Variants in KCNH7 observed in about 807,000 individuals in gnomAD.
KCNH7 encodes potassium voltage-gated channel subfamily H member 7.
In KCNH7, 49 loss-of-function variants were observed where a neutral mutation model predicts 120.8. The ratio of observed to expected loss-of-function variants is 0.41; its 90% CI spans 0.32 to 0.51. The LOEUF (loss-of-function observed/expected upper bound fraction) is 0.51. Ranked by LOEUF, KCNH7 falls within the 20% of genes least tolerant of loss-of-function variation. The pLI is 0.38. For synonymous variants in KCNH7, 547 were observed against 516.1 expected (o/e 1.06, Z -0.81); for missense variants, 1,097 against 1,446.6 (o/e 0.76, Z 3.92).
chr2:162,577,390 T>TATCTATC (rs1299759407), intron 2 of KCNH7, among the ~76,000 whole-genome samples: 1 of 138,738 alleles, frequency 7.2e-6, no homozygotes, highest in East Asian at 2.0e-4. Context: ...TCTATCTATC[T>TATCTATC]ATCTATCCAT....
intron 2 of KCNH7, among the ~76,000 whole-genome samples, chr2:162,763,288 A>G (rs1024742181): frequency 6.6e-6 from 1 of 152,140 alleles, no homozygotes; most frequent in Admixed American, 6.6e-5. Flanking sequence ...AAAATCATTC[A>G]ATTGATGAGT....
At chr2:162,579,779 A>C (rs1280302439) in intron 2 of KCNH7, among the ~76,000 whole-genome samples, 2 of 152,074 alleles carry the variant, frequency 1.3e-5, no homozygotes, top group African/African-American at 4.8e-5. Flanking sequence ...GAAGACAGGC[A>C]CAGAGTAGAT....
chr2:162,745,756 T>C (rs1688294122), intron 2 of KCNH7, among the ~76,000 whole-genome samples: 2 of 152,082 alleles, frequency 1.3e-5, no homozygotes, highest in African/African-American at 4.8e-5. Flanking sequence ...AAAGGTAATA[T>C]ATAATTTATT....
At chr2:162,421,027 A>G (rs1470449338) in intron 9 of KCNH7, among the ~76,000 whole-genome samples, 2 of 152,132 alleles carry the variant, frequency 1.3e-5, no homozygotes, top group Non-Finnish European at 2.9e-5. Context: ...CTTAACAAGT[A>G]AGCATCTTCC....
At chr2:162,699,614 A>G (rs1483803751) in intron 2 of KCNH7, among the ~76,000 whole-genome samples, 3 of 152,086 alleles carry the variant, frequency 2.0e-5, no homozygotes, top group Non-Finnish European at 4.4e-5. Flanking sequence ...AAATATTTAT[A>G]TTTTTACAAA....
chr2:162,522,881 G>A (rs1691579958), intron 3 of KCNH7, among the ~76,000 whole-genome samples: 1 of 151,700 alleles, frequency 6.6e-6, no homozygotes, highest in Non-Finnish European at 1.5e-5. Context: ...CTACTATAAT[G>A]TCTTTCTCAG....
chr2:162,578,124 TG>T (rs1292374899), intron 2 of KCNH7, among the ~76,000 whole-genome samples: 2 of 152,028 alleles, frequency 1.3e-5, no homozygotes, highest in African/African-American at 4.8e-5. Context: ...GAGTCAAATG[TG>T]CCCTTAGTGA....
intron 2 of KCNH7, among the ~76,000 whole-genome samples, chr2:162,654,190 A>C (rs1414781805): frequency 6.6e-6 from 1 of 152,058 alleles, no homozygotes; most frequent in Non-Finnish European, 1.5e-5. Flanking sequence ...AAAGGAAACA[A>C]TCATTAGAGT....
At chr2:162,561,400 A>G (rs1006408725) in intron 2 of KCNH7, among the ~76,000 whole-genome samples, 6 of 152,220 alleles carry the variant, frequency 3.9e-5, no homozygotes, top group African/African-American at 1.4e-4. Flanking sequence ...TCCTTTGGGT[A>G]TATACCCAGG....
intron 2 of KCNH7, among the ~76,000 whole-genome samples, chr2:162,787,429 A>G (rs1483719598): frequency 6.6e-6 from 1 of 151,978 alleles, no homozygotes; most frequent in East Asian, 1.9e-4. Context: ...CCCAGGATCC[A>G]GGACCAACCC....
intron 2 of KCNH7, among the ~76,000 whole-genome samples, chr2:162,659,152 T>A (rs2105274355): frequency 6.6e-6 from 1 of 152,324 alleles, no homozygotes; most frequent in South Asian, 2.1e-4. Context: ...ATTGCTAGTT[T>A]GGTGAGAGTT....
intron 2 of KCNH7, among the ~76,000 whole-genome samples, chr2:162,615,328 C>T (rs1181899240): frequency 1.3e-5 from 2 of 152,176 alleles, no homozygotes; most frequent in Admixed American, 6.5e-5. Flanking sequence ...TTATTTAGCA[C>T]TTCAAACATT....
At chr2:162,447,366 A>G (rs1048219008) in intron 6 of KCNH7, among the ~76,000 whole-genome samples, 6 of 152,146 alleles carry the variant, frequency 3.9e-5, no homozygotes, top group Non-Finnish European at 7.4e-5. Context: ...AAAAGTCAAA[A>G]CAAAAAGGTT....
chr2:162,489,220 T>A (rs1458295403), intron 6 of KCNH7, among the ~76,000 whole-genome samples: 3 of 152,218 alleles, frequency 2.0e-5, no homozygotes, highest in Non-Finnish European at 4.4e-5. Flanking sequence ...ATGCTTGAAG[T>A]AGTCAATAGC....
chr2:162,811,964 C>A (rs1372141899), intron 2 of KCNH7, among the ~76,000 whole-genome samples: 1 of 152,046 alleles, frequency 6.6e-6, no homozygotes, highest in African/African-American at 2.4e-5. Context: ...AATATGGGGG[C>A]TCATGTACTT....
chr2:162,684,783 A>G (rs1263584751), intron 2 of KCNH7, among the ~76,000 whole-genome samples: 1 of 152,152 alleles, frequency 6.6e-6, no homozygotes, highest in Non-Finnish European at 1.5e-5. Context: ...TGTGGAAGAC[A>G]GTGGGGTGAT....
At chr2:162,500,133 C>A (rs1690627129) in intron 6 of KCNH7, among the ~76,000 whole-genome samples, 1 of 147,984 alleles carries the variant, frequency 6.8e-6, no homozygotes, top group South Asian at 2.1e-4. Context: ...ATATATTATA[C>A]ATTATATATA....
intron 2 of KCNH7, among the ~76,000 whole-genome samples, chr2:162,562,044 ACACCGGGGCCTGTTG>A (rs1693088800): frequency 6.6e-6 from 1 of 152,014 alleles, no homozygotes; most frequent in Non-Finnish European, 1.5e-5. Context: ...GGATCATCAC[ACACCGGGGCCTGTTG>A]GGTGGTCGGG....
chr2:162,454,790 A>G (rs1012460029), intron 6 of KCNH7, among the ~76,000 whole-genome samples: 1 of 152,046 alleles, frequency 6.6e-6, no homozygotes, highest in Non-Finnish European at 1.5e-5. Flanking sequence ...TTGATTTTGT[A>G]TCCTGAGACT....
Sources: gnomAD v4.1 joint callset for allele counts (sites outside exome capture counted in the v4.1 genomes callset) on GRCh38, gnomAD v4.1.1 for gene constraint, MANE v1.5 for transcripts, NCBI Gene and HGNC (gene_info 2026-07-23, HGNC 2026-07-21) for gene names.